Variants in PAN3 observed in about 807,000 individuals in gnomAD.
PAN3 encodes poly(A) specific ribonuclease subunit PAN3, also known as PAN2-PAN3 deadenylation complex subunit PAN3.
In PAN3, 19 loss-of-function variants were observed where a neutral mutation model predicts 96.2. The observed-to-expected ratio is 0.20, with a 90% CI of 0.14 to 0.29. PAN3 has a LOEUF of 0.29. Ranked by LOEUF, PAN3 falls within the 10% of genes least tolerant of loss-of-function variation. The pLI, the probability that PAN3 is intolerant of heterozygous loss-of-function variation, is 1.00. For missense variants in PAN3, 882 were observed against 1,108.1 expected (o/e 0.80, Z 2.90); for synonymous variants, 433 against 406.6 (o/e 1.06, Z -0.78).
intron 4 of PAN3, among the ~76,000 whole-genome samples, chr13:28,192,980 T>C (rs976890864): frequency 1.3e-5 from 2 of 152,222 alleles, no homozygotes; most frequent in African/African-American, 4.8e-5. Context: ...TATTGATACC[T>C]TAGGGCAGGA....
At chr13:28,264,265 G>A (rs984717462) in intron 9 of PAN3, among the ~76,000 whole-genome samples, 3 of 152,106 alleles carry the variant, frequency 2.0e-5, no homozygotes, top group African/African-American at 7.2e-5. Context: ...CGCGCCGGGC[G>A]CAGTGGCTCA....
At chr13:28,186,769 T>C (rs377182493) in intron 4 of PAN3, among the ~76,000 whole-genome samples, 2 of 151,406 alleles carry the variant, frequency 1.3e-5, no homozygotes, top group African/African-American at 4.8e-5. Flanking sequence ...GAAGCTGCAA[T>C]GAGCTGTGAT....
intron 5 of PAN3, among the ~76,000 whole-genome samples, chr13:28,202,817 T>G (rs1490099121): frequency 6.6e-6 from 1 of 152,240 alleles, no homozygotes; most frequent in African/African-American, 2.4e-5. Context: ...TGTGTTTATT[T>G]CTGTATCCTG....
intron 1 of PAN3, among the ~76,000 whole-genome samples, chr13:28,144,908 T>A (rs1870422092): frequency 6.6e-6 from 1 of 150,960 alleles, no homozygotes; most frequent in South Asian, 2.1e-4. Context: ...TTAGTAGAGA[T>A]GGGGTTTCAC....
chr13:28,250,656 C>T (rs1345780586), intron 6 of PAN3, among the ~76,000 whole-genome samples: 11 of 152,088 alleles, frequency 7.2e-5, no homozygotes, highest in African/African-American at 9.7e-5. Context: ...CATGAGCCAC[C>T]GCACCCGGCC....
intron 5 of PAN3, among the ~76,000 whole-genome samples, chr13:28,209,516 A>G (rs1409626421): frequency 6.6e-6 from 1 of 152,182 alleles, no homozygotes; most frequent in African/African-American, 2.4e-5. Context: ...ATCAACTCAT[A>G]ATTTTTAATA....
At chr13:28,162,658 A>G (rs1158005779) in intron 1 of PAN3, among the ~76,000 whole-genome samples, 1 of 151,022 alleles carries the variant, frequency 6.6e-6, no homozygotes, top group Non-Finnish European at 1.5e-5. Context: ...AAAAAAAAAA[A>G]GCATTTAATT....
At chr13:28,274,716 C>T (rs1886920763) in intron 14 of PAN3, among the ~76,000 whole-genome samples, 1 of 152,040 alleles carries the variant, frequency 6.6e-6, no homozygotes, top group African/African-American at 2.4e-5. Flanking sequence ...AATTAATTAT[C>T]ACCTGTTTAT....
At chr13:28,206,043 T>C (rs1297123061) in intron 5 of PAN3, among the ~76,000 whole-genome samples, 1 of 152,108 alleles carries the variant, frequency 6.6e-6, no homozygotes, top group Non-Finnish European at 1.5e-5. Context: ...ATTACTCTTA[T>C]TTCTCTATGT....
rs571816252 is a variant in PAN3 at position 28,222,854 on chromosome 13, C to T, written c.1000+2476C>T. Among the ~76,000 whole-genome samples, 13 of 152,178 alleles carry T rather than the reference C, an allele frequency of 8.5e-5. No individual in the cohort carries two copies. The South Asian group carries it at 1.7e-3, about 19-fold the overall frequency. ...TTTCTATCCCCAAAACTATTGCCCT[C>T]GAAAGTATCAAATTACTATAAAATA... is the stretch of plus-strand genomic sequence containing the variant. On this transcript the variant is annotated intron_variant, in intron 6 of 18. Transcript: ENST00000380958.
In PAN3 at chr13:28,148,306, G is replaced by A. The variant is rs189914246; in HGVS notation, c.430+9219G>A. On this transcript the variant is annotated intron_variant, in intron 1 of 18. Transcript: ENST00000380958. ...TTGTATATATATATTTTTTAGAGAT[G>A]GGGTCTTGCTCATTTGCCCAGGCTG... Among the ~76,000 whole-genome samples, 921 of 152,048 alleles carry A rather than the reference G, an allele frequency of 6.1e-3. 6 individuals are homozygous for A. Among genetic ancestry groups the A allele is most frequent in the South Asian group, 0.012 (58 of 4,812 alleles).
chr13:28,182,339 ATCT>A (rs989920935), intron 4 of PAN3, among the ~76,000 whole-genome samples: 3 of 152,106 alleles, frequency 2.0e-5, no homozygotes, highest in African/African-American at 4.8e-5. Context: ...GCCCTTCTTC[ATCT>A]TCTTTTTTTA....
At position 28,256,350 on chromosome 13, in the gene PAN3, T is replaced by A; in HGVS notation, c.1059T>A (p.Thr353=). Residue 353 remains threonine, a synonymous_variant, in exon 7 of 19, where the codon ACT becomes ACA. Coordinates refer to ENST00000380958, the MANE Select transcript of PAN3 (RefSeq NM_175854.8). ...ATTCCCCCAAGATTACTCCACATAC[T>A]TCTCCTGCTCCCAGAAGAAGAAGTC... ...PLHSPKITPH[T]SPAPRRRSHT... 4 of 1,613,820 alleles carry A rather than the reference T, an allele frequency of 2.5e-6. No individual in the cohort carries two copies. The highest frequency in any genetic ancestry group is 1.7e-6 in the Non-Finnish European group (2 of 1,179,690).
chr13:28,197,397 T>C (rs995360042), intron 5 of PAN3, 51 bp downstream of exon 5: 5 of 1,496,096 alleles, frequency 3.3e-6, no homozygotes, highest in Non-Finnish European at 3.6e-6. Context: ...TCTTGGCTGC[T>C]TTCTGTGTCT....
At chr13:28,213,764 C>T (rs890987139) in intron 5 of PAN3, among the ~76,000 whole-genome samples, 15 of 148,138 alleles carry the variant, frequency 1.0e-4, no homozygotes, top group African/African-American at 3.0e-4. Context: ...CTCACAACTT[C>T]GTAATAGAAA....
chr13:28,199,039 T>A (rs1878398200), intron 5 of PAN3, among the ~76,000 whole-genome samples: 1 of 152,184 alleles, frequency 6.6e-6, no homozygotes, highest in East Asian at 1.9e-4. Flanking sequence ...CATTGGAAAG[T>A]TTTGGCTATG....
At chr13:28,288,205 T>C in intron 18 of PAN3, 83 bp downstream of exon 18, 1 of 1,265,180 alleles carries the variant, frequency 7.9e-7, no homozygotes, top group Non-Finnish European at 1.1e-6. Flanking sequence ...ACTAGGAAAC[T>C]TAAGAAATCA....
At chr13:28,229,692 T>G (rs1480032814) in intron 6 of PAN3, among the ~76,000 whole-genome samples, 1 of 152,222 alleles carries the variant, frequency 6.6e-6, no homozygotes, top group Non-Finnish European at 1.5e-5. Flanking sequence ...AAGCTTACTT[T>G]GATCATTTTT....
chr13:28,249,229 A>G (rs1319809560), intron 6 of PAN3, among the ~76,000 whole-genome samples: 1 of 152,150 alleles, frequency 6.6e-6, no homozygotes, highest in African/African-American at 2.4e-5. Context: ...GCTCGACTAA[A>G]AGTCACAATG....
Sources: allele counts gnomAD v4.1 joint callset (sites outside exome capture counted in the v4.1 genomes callset), GRCh38; gene constraint gnomAD v4.1.1; transcripts MANE v1.5; gene names NCBI Gene and HGNC (gene_info 2026-07-23, HGNC 2026-07-21).